The following DOP1B variants were observed in gnomAD, a reference collection of about 807,000 sequenced individuals.
The protein encoded by DOP1B is protein DOP1B.
In DOP1B, 174 loss-of-function variants were observed where a neutral mutation model predicts 233.5. That is an observed-to-expected ratio of 0.75 (90% CI 0.66 to 0.85). DOP1B has a LOEUF of 0.85. DOP1B is among the 40% of genes least tolerant of loss of function. The probability of loss-of-function intolerance (pLI) is 0.00; values close to 1 mark genes in which losing one functional copy is unlikely to be tolerated. For missense variants in DOP1B, 2,652 were observed against 2,846.6 expected, an observed-to-expected ratio of 0.93 and a Z score of 1.56; for synonymous variants, 1,190 against 1,185.6, an observed-to-expected ratio of 1.00 and a Z score of -0.08.
At chr21:36,279,112 A>G (rs1307578559) in intron 30 of DOP1B, among the ~76,000 whole-genome samples, 1 of 151,828 alleles carries the variant, frequency 6.6e-6, no homozygotes, top group Non-Finnish European at 1.5e-5. Flanking sequence ...TTTTCCTGAG[A>G]TAAAGAAAAT....
intron 28 of DOP1B, 73 bp downstream of exon 28, chr21:36,277,173 C>A: frequency 6.6e-7 from 1 of 1,516,520 alleles, no homozygotes; most frequent in South Asian, 1.2e-5. Flanking sequence ...GACATTTGTT[C>A]ATTCCCAGGT....
intron 26 of DOP1B, among the ~76,000 whole-genome samples, chr21:36,269,668 T>C (rs1020554319): frequency 8.6e-5 from 13 of 151,940 alleles, no homozygotes; most frequent in African/African-American, 3.1e-4. Context: ...TACAGGCATG[T>C]GCCATCATGC....
At chr21:36,169,681 C>A (rs2835292) in intron 2 of DOP1B, 2 of 889,418 alleles carry the variant, frequency 2.2e-6, no homozygotes, top group Non-Finnish European at 1.9e-6. Context: ...GTAGGCGCGT[C>A]TGGGTGTGGG....
rs61756713 is a variant in DOP1B at position 36,239,795 on chromosome 21, C to T, written c.2907C>T (p.Ala969=). The change falls in exon 18 of 37, where the codon GCC becomes GCT. Residue 969 remains alanine, a synonymous_variant. Transcript: ENST00000691173. The part of the protein sequence containing the change: ...RSLFVVLDSL[A]CTDGAIGAAA... The stretch of plus-strand genomic sequence containing the variant: ...TGTTTGTCGTGCTGGACAGCCTGGC[C>T]TGCACGGATGGTGCCATCGGTGCGG... 2,524 of 1,555,988 alleles carry T rather than the reference C, an allele frequency of 1.6e-3. 35 individuals carry two copies. The African/African-American group carries it at 0.03, about 18-fold the overall frequency.
At chr21:36,207,966 C>G (rs562136747) in intron 4 of DOP1B, among the ~76,000 whole-genome samples, 1 of 152,178 alleles carries the variant, frequency 6.6e-6, no homozygotes, top group South Asian at 2.1e-4. Context: ...AGGGGAAAAA[C>G]GAGCCCTGAT....
intron 2 of DOP1B, among the ~76,000 whole-genome samples, chr21:36,191,784 C>CAAAAAAAAAAA (rs35895174): frequency 7.5e-6 from 1 of 133,800 alleles, no homozygotes; most frequent in Non-Finnish European, 1.6e-5. Context: ...GACTCTGTCT[C>CAAAAAAAAAAA]AAAAAAAAAA....
intron 2 of DOP1B, among the ~76,000 whole-genome samples, chr21:36,168,614 C>T (rs1568996522): frequency 2.0e-5 from 3 of 152,070 alleles, no homozygotes; most frequent in Admixed American, 6.5e-5. Flanking sequence ...GCAACCTCCA[C>T]CTCCTGGGTT....
At chr21:36,173,157 TA>T (rs1414373245) in intron 2 of DOP1B, among the ~76,000 whole-genome samples, 3 of 152,136 alleles carry the variant, frequency 2.0e-5, no homozygotes, top group Non-Finnish European at 4.4e-5. Flanking sequence ...AAATTCTTTA[TA>T]ATACAGATTT....
intron 2 of DOP1B, chr21:36,169,867 A>G (rs1017551850): frequency 8.2e-6 from 7 of 852,380 alleles, no homozygotes; most frequent in Non-Finnish European, 1.2e-5. Context: ...CTCAGCAAAG[A>G]TGGCCTTGAA....
chr21:36,169,246 C>G, intron 2 of DOP1B: 2 of 910,448 alleles, frequency 2.2e-6, no homozygotes. Flanking sequence ...GGTCGATGCT[C>G]TTGTCAGACA....
chr21:36,230,605 T>C lies in DOP1B; in HGVS notation c.1821T>C (p.Pro607=), dbSNP rs563346001. The C allele has an allele frequency of 4.2e-5, 67 of 1,614,206 alleles. 1 individual carries two copies. In the South Asian group the frequency reaches 6.9e-4, roughly 17 times the overall value. Residue 607 remains proline (P), a synonymous_variant, in exon 14 of 37, where the codon CCT becomes CCC. Transcript: ENST00000691173. ...AGCTCTCTGAGCACTTGAGGGTTCCTCGAGTTTCTCTGGAAAGGGACGACG... is the reference window on the plus strand; with the variant it reads ...AGCTCTCTGAGCACTTGAGGGTTCCCCGAGTTTCTCTGGAAAGGGACGACG... ...SPELSEHLRV[P]RVSLERDDVW...
chr21:36,202,258 A>G (rs1428285186), intron 4 of DOP1B, among the ~76,000 whole-genome samples: 2 of 152,216 alleles, frequency 1.3e-5, no homozygotes, highest in Non-Finnish European at 2.9e-5. Context: ...CCGGAGAAGT[A>G]TAAAGTAAGA....
chr21:36,255,179 C>G (rs2067079545), intron 23 of DOP1B, among the ~76,000 whole-genome samples: 1 of 151,948 alleles, frequency 6.6e-6, no homozygotes, highest in Admixed American at 6.6e-5. Context: ...GTCGCCCAGG[C>G]TGGAGTACAG....
chr21:36,180,818 T>G (rs1013312210), intron 2 of DOP1B, among the ~76,000 whole-genome samples: 2 of 151,852 alleles, frequency 1.3e-5, no homozygotes, highest in Admixed American at 1.3e-4. Context: ...GAGGCGGAGG[T>G]TGCAATGAGC....
chr21:36,190,373 A>T (rs2066217988), intron 2 of DOP1B, among the ~76,000 whole-genome samples: 1 of 150,744 alleles, frequency 6.6e-6, no homozygotes, highest in South Asian at 2.1e-4. Flanking sequence ...AAACATGGCC[A>T]TTTTTCCTGG....
In DOP1B at chr21:36,230,794, C is replaced by G; in HGVS notation, c.2010C>G (p.Ser670Arg). Residue 670 changes from serine to arginine, a missense_variant, in exon 14 of 37, where the codon AGC becomes AGG. By Grantham distance (110) the Ser-to-Arg change is moderately radical. This residue lies in a region of DOP1B where 2,617 missense variants were observed against 2,794.3 expected (regional missense o/e 0.94). Coordinates refer to ENST00000691173, the MANE Select transcript of DOP1B (RefSeq NM_001320714.2). The stretch of plus-strand genomic sequence containing the variant: ...AGAGGGACAGGGATGGGACGCAGAG[C>G]CTGGCAGCCAATGATTCCAGCAGGA... ...AGKRDRDGTQ[S>R]LAANDSSRKN... The G allele has an allele frequency of 6.2e-7, 1 of 1,614,144 alleles. No homozygotes were observed. The highest frequency in any genetic ancestry group is 8.5e-7 in the Non-Finnish European group (1 of 1,180,012).
At chr21:36,159,054 C>G (rs919327588) in intron 1 of DOP1B, among the ~76,000 whole-genome samples, 1 of 151,836 alleles carries the variant, frequency 6.6e-6, no homozygotes, top group African/African-American at 2.4e-5. Context: ...ATCGCTGGAA[C>G]CCGGGAGGCA....
intron 5 of DOP1B, among the ~76,000 whole-genome samples, chr21:36,209,551 C>T (rs959708417): frequency 2.6e-5 from 4 of 152,206 alleles, no homozygotes; most frequent in Non-Finnish European, 4.4e-5. Context: ...TTCCTCTGTC[C>T]TGTGTCACGG....
At chr21:36,274,116 C>T (rs537327344) in intron 27 of DOP1B, among the ~76,000 whole-genome samples, 2 of 152,214 alleles carry the variant, frequency 1.3e-5, no homozygotes, top group South Asian at 4.1e-4. Context: ...GATTTCATCC[C>T]ACTTGCCACA....
Sources: gnomAD v4.1 joint callset for allele counts (sites outside exome capture counted in the v4.1 genomes callset) on GRCh38, gnomAD v4.1.1 for gene constraint, gnomAD v4.1.1 regional missense constraint, MANE v1.5 for transcripts, NCBI Gene and HGNC (gene_info 2026-07-23, HGNC 2026-07-21) for gene names.